The following STAC variants were observed in gnomAD, a reference collection of about 807,000 sequenced individuals.
STAC encodes SH3 and cysteine-rich domain-containing protein.
A neutral mutation model predicts 48.8 loss-of-function variants in STAC; 43 were observed. The observed-to-expected ratio is 0.88, with a 90% CI of 0.69 to 1.14. STAC has a LOEUF of 1.14. STAC is among the 50% of genes most tolerant of loss of function. The pLI is 0.00. For missense variants in STAC, 497 were observed against 504.0 expected (o/e 0.99, Z 0.13); for synonymous variants, 193 against 179.5 (o/e 1.07, Z -0.60).
chr3:36,408,686 G>A (rs764025694), intron 1 of STAC, among the ~76,000 whole-genome samples: 2 of 152,200 alleles, frequency 1.3e-5, no homozygotes, highest in Non-Finnish European at 2.9e-5. Flanking sequence ...CAAACAGGCA[G>A]CCATTGTTTG....
At chr3:36,468,745 CAT>C (rs1170108527) in intron 2 of STAC, among the ~76,000 whole-genome samples, 85 of 137,506 alleles carry the variant, frequency 6.2e-4, no homozygotes, top group South Asian at 4.3e-3. Context: ...ATATAAAATA[CAT>C]ATATGTGTGT....
In STAC at chr3:36,493,199, G is replaced by T; in HGVS notation, c.736G>T (p.Gly246Trp). 6.2e-7 allele frequency: 1 copy of T among 1,613,480 alleles called. No homozygotes were observed. Among genetic ancestry groups the T allele is most frequent in the East Asian group, 2.2e-5 (1 of 44,862 alleles). ...VPEEANGPGG[G>W]YDLRKRSNSV... ...TGAGGAAGCCAATGGGCCAGGAGGC[G>T]GGTATGACCTAAGGAAACGCAGCAA... The change falls in exon 6 of 11, where the codon GGG becomes TGG. Residue 246 changes from glycine (G) to tryptophan (W), a missense_variant. By Grantham distance (184) the Gly-to-Trp change is radical. Transcript: ENST00000273183.
intron 1 of STAC, among the ~76,000 whole-genome samples, chr3:36,383,612 C>A (rs922491909): frequency 1.3e-5 from 2 of 152,108 alleles, no homozygotes; most frequent in Non-Finnish European, 2.9e-5. Context: ...CCAATTAGCA[C>A]ATATTTCAGG....
chr3:36,484,932 A>G (rs1205451781), intron 3 of STAC, 45 bp from the exon 4 acceptor site: 1 of 1,492,960 alleles, frequency 6.7e-7, no homozygotes. Flanking sequence ...GGTTTTCTCC[A>G]TCTCCAGTGA....
intron 1 of STAC, among the ~76,000 whole-genome samples, chr3:36,388,373 T>TAATATTAAA (rs1397390377): frequency 6.6e-6 from 1 of 152,126 alleles, no homozygotes; most frequent in Non-Finnish European, 1.5e-5. Flanking sequence ...TAAAAAATTA[T>TAATATTAAA]TTATAAATAT....
At chr3:36,433,812 A>G (rs1212920167) in intron 1 of STAC, among the ~76,000 whole-genome samples, 1 of 152,246 alleles carries the variant, frequency 6.6e-6, no homozygotes, top group African/African-American at 2.4e-5. Context: ...CAGCAGTGGC[A>G]GAGCATGCAA....
chr3:36,494,926 G>A (rs1698097540), intron 6 of STAC, among the ~76,000 whole-genome samples: 1 of 152,198 alleles, frequency 6.6e-6, no homozygotes, highest in Admixed American at 6.5e-5. Context: ...ACTCACCAGA[G>A]ACTTGCATGA....
intron 1 of STAC, among the ~76,000 whole-genome samples, chr3:36,437,790 A>AAAAAAT (rs965206147): frequency 1.3e-5 from 2 of 151,618 alleles, no homozygotes; most frequent in African/African-American, 4.8e-5. Context: ...TAATACAATA[A>AAAAAAT]AAAAATAAAA....
chr3:36,435,486 GC>G (rs1321814315), intron 1 of STAC, among the ~76,000 whole-genome samples: 1 of 151,916 alleles, frequency 6.6e-6, no homozygotes, highest in Non-Finnish European at 1.5e-5. Flanking sequence ...TTTAATACAT[GC>G]TGGAGTAAGC....
chr3:36,384,305 C>T (rs1392337787), intron 1 of STAC, among the ~76,000 whole-genome samples: 1 of 152,046 alleles, frequency 6.6e-6, no homozygotes, highest in Non-Finnish European at 1.5e-5. Context: ...TGAGGAATCA[C>T]ACCTCAATAT....
chr3:36,539,517 T>C (rs1699272970), intron 10 of STAC, among the ~76,000 whole-genome samples: 1 of 152,186 alleles, frequency 6.6e-6, no homozygotes, highest in African/African-American at 2.4e-5. Context: ...GCTCCATCCA[T>C]ATCCCTGCAA....
intron 1 of STAC, among the ~76,000 whole-genome samples, chr3:36,403,920 T>A (rs1700045230): frequency 6.6e-6 from 1 of 152,166 alleles, no homozygotes; most frequent in Non-Finnish European, 1.5e-5. Context: ...AGAAATTAAA[T>A]CCTGGATAAA....
chr3:36,391,617 AT>A (rs1699753246), intron 1 of STAC, among the ~76,000 whole-genome samples: 1 of 152,080 alleles, frequency 6.6e-6, no homozygotes, highest in Non-Finnish European at 1.5e-5. Flanking sequence ...TCTTCTGCTG[AT>A]GAGCTCCTCC....
intron 10 of STAC, among the ~76,000 whole-genome samples, chr3:36,535,624 T>C (rs1052008472): frequency 3.9e-5 from 6 of 152,212 alleles, no homozygotes; most frequent in Non-Finnish European, 5.9e-5. Context: ...ATGGCTCTTA[T>C]TATTTTGAGG....
chr3:36,387,838 T>C (rs1699650364), intron 1 of STAC, among the ~76,000 whole-genome samples: 2 of 152,126 alleles, frequency 1.3e-5, no homozygotes, highest in African/African-American at 4.8e-5. Flanking sequence ...TCATTTCTTA[T>C]GGGTATATAA....
intron 10 of STAC, among the ~76,000 whole-genome samples, chr3:36,540,028 G>A (rs1226871193): frequency 6.6e-6 from 1 of 152,146 alleles, no homozygotes; most frequent in Non-Finnish European, 1.5e-5. Context: ...GAGATTCTTA[G>A]AAGAGGGAGA....
At chr3:36,528,653 T>C (rs1217497152) in intron 8 of STAC, 43 bp from the exon 9 acceptor site, 6 of 1,471,680 alleles carry the variant, frequency 4.1e-6, no homozygotes, top group East Asian at 4.6e-5. Flanking sequence ...ATGTTATTTT[T>C]CTTTTTTTTT....
At chr3:36,486,468 C>T (rs911218679) in intron 5 of STAC, among the ~76,000 whole-genome samples, 4 of 152,150 alleles carry the variant, frequency 2.6e-5, no homozygotes, top group Non-Finnish European at 5.9e-5. Context: ...GTCCAAAGAC[C>T]ATCCCCTTGG....
In STAC at chr3:36,443,227, A is replaced by G. The variant is rs1243425773; in HGVS notation, c.112-137A>G. On this transcript the variant is annotated intron_variant, in intron 1 of 10. Transcript: ENST00000273183. The surrounding 1 kb of genome is among the most constrained non-coding windows in gnomAD (Gnocchi z 4.2). Reference sequence around the variant, plus strand: ...GGCACTGCCATCACCCCACCCACACAGGGACATTTATGAGCCTCCTCAAGA... The same window carrying G: ...GGCACTGCCATCACCCCACCCACACGGGGACATTTATGAGCCTCCTCAAGA... 1.3e-5 allele frequency: 13 copies of G among 1,016,764 alleles called. No homozygotes were observed. The allele number at this position is 1,016,764 out of a possible 1,614,324, so 63.0% of individuals were successfully genotyped here.
Sources: gnomAD v4.1 joint callset for allele counts (sites outside exome capture counted in the v4.1 genomes callset) on GRCh38, gnomAD v4.1.1 for gene constraint, Gnocchi (gnomAD v3.1) non-coding constraint, MANE v1.5 for transcripts, NCBI Gene and HGNC (gene_info 2026-07-23, HGNC 2026-07-21) for gene names.